Variants in SMYD2 observed in about 807,000 individuals in gnomAD.
SMYD2 encodes N-lysine methyltransferase SMYD2.
SMYD2 carries 53 observed loss-of-function variants against 59.1 expected under a neutral mutation model. The ratio of observed to expected loss-of-function variants is 0.90; its 90% confidence interval spans 0.72 to 1.13. The LOEUF (loss-of-function observed/expected upper bound fraction) is 1.13. SMYD2 is among the 50% of genes most tolerant of loss of function. The pLI is 0.00. For synonymous variants in SMYD2, 208 were observed against 198.8 expected, an observed-to-expected ratio of 1.05 and a Z score of -0.39; for missense variants, 494 against 544.7, an observed-to-expected ratio of 0.91 and a Z score of 0.93.
Position 214,324,997 on chromosome 1 carries a change from A to G in SMYD2, c.602+289A>G, listed in dbSNP as rs13376603. ...GGAACAGCTCATGCCCTGCTGAGAAATTTGCTTTCTGCCTATCTGTGGTTC... is the reference window on the plus strand; with the variant it reads ...GGAACAGCTCATGCCCTGCTGAGAAGTTTGCTTTCTGCCTATCTGTGGTTC... On this transcript the variant is annotated intron_variant, in intron 6 of 11. Coordinates refer to ENST00000366957, the MANE Select transcript of SMYD2 (RefSeq NM_020197.3). Among the ~76,000 whole-genome samples the G allele has an allele frequency of 2.5e-3, 387 of 152,338 alleles. 2 individuals carry two copies. The highest frequency in any genetic ancestry group is 9.0e-3 in the African/African-American group (374 of 41,568).
chr1:214,336,167 A>ATTT (rs68101274), intron 11 of SMYD2, among the ~76,000 whole-genome samples: 3 of 151,764 alleles, frequency 2.0e-5, no homozygotes, highest in Non-Finnish European at 4.4e-5. Flanking sequence ...CCAGCTGGAT[A>ATTT]TTTTTGCAGA....
At chr1:214,336,145 G>A (rs922594218) in intron 11 of SMYD2, among the ~76,000 whole-genome samples, 1 of 122,830 alleles carries the variant, frequency 8.1e-6, no homozygotes, top group Non-Finnish European at 1.7e-5. Flanking sequence ...TCAGTTTCAT[G>A]ACATCGTTTC....
chr1:214,310,455 G>A (rs769736785), intron 2 of SMYD2, among the ~76,000 whole-genome samples: 3 of 150,718 alleles, frequency 2.0e-5, no homozygotes, highest in Non-Finnish European at 4.4e-5. Context: ...GAATACTTTG[G>A]TATATATCTT....
At chr1:214,336,299 A>G (rs1056247688) in intron 11 of SMYD2, among the ~76,000 whole-genome samples, 10 of 152,130 alleles carry the variant, frequency 6.6e-5, no homozygotes, top group South Asian at 2.1e-4. Context: ...TTGAGAGGCC[A>G]AGGCGGGCGG....
Position 214,327,770 on chromosome 1 carries a change from C to T in SMYD2, c.705+46C>T, listed in dbSNP as rs755113399. ...GGCTGCAGCAGGGGGCTTGAGACTG[C>T]TCTTTAAAAGGCAATGTGGACAGAT... is the stretch of plus-strand genomic sequence containing the variant. On this transcript the variant is annotated intron_variant, in intron 7 of 11. Transcript: ENST00000366957. 5 of 1,517,374 alleles carry T rather than the reference C, an allele frequency of 3.3e-6. No individual in the cohort carries two copies. In the East Asian group the frequency reaches 1.1e-4, roughly 34 times the overall value. The allele number at this position is 1,517,374 out of a possible 1,614,324, so 94.0% of individuals were successfully genotyped here. A position where few individuals can be genotyped will look rare whatever the true frequency, so the allele number is the denominator to read the frequency against.
At chr1:214,305,508 G>GC (rs1417198797) in intron 2 of SMYD2, among the ~76,000 whole-genome samples, 2 of 152,230 alleles carry the variant, frequency 1.3e-5, no homozygotes, top group Non-Finnish European at 2.9e-5. Flanking sequence ...TAGCAAGTCT[G>GC]CCCCAAGGAC....
chr1:214,336,189 A>G (rs1657432966), intron 11 of SMYD2, among the ~76,000 whole-genome samples: 1 of 152,054 alleles, frequency 6.6e-6, no homozygotes, highest in East Asian at 1.9e-4. Context: ...TGTTTTACCT[A>G]GCAGTAGACA....
chr1:214,332,686 A>C lies in SMYD2; in HGVS notation c.1112+494A>C, dbSNP rs78858088. On this transcript the variant is annotated intron_variant, in intron 10 of 11. Coordinates refer to ENST00000366957, the MANE Select transcript of SMYD2 (RefSeq NM_020197.3). Reference sequence around the variant, plus strand: ...TCTCCCCACCCCAGGTTTGGAAAAAAGAAACAAAAATTGCTTTTTAATTTG... The same window carrying C: ...TCTCCCCACCCCAGGTTTGGAAAAACGAAACAAAAATTGCTTTTTAATTTG... The C allele has an allele frequency of 4.8e-3, 734 of 153,268 alleles. 18 individuals are homozygous for C. In the East Asian group the frequency reaches 0.08, roughly 17 times the overall value. 9.5% of individuals were successfully genotyped at this position (153,268 alleles called of 1,614,324 possible). A position where few individuals can be genotyped will look rare whatever the true frequency, so the allele number is the denominator to read the frequency against.
chr1:214,315,099 C>G (rs1435541067), intron 3 of SMYD2, among the ~76,000 whole-genome samples: 41 of 152,140 alleles, frequency 2.7e-4, no homozygotes, highest in Admixed American at 2.7e-3. Flanking sequence ...GGAGCATAGC[C>G]ACAGCTCTGA....
chr1:214,300,713 A>G (rs1283556597), intron 1 of SMYD2, among the ~76,000 whole-genome samples: 2 of 152,224 alleles, frequency 1.3e-5, no homozygotes, highest in South Asian at 2.1e-4. Context: ...CGTGATGGAA[A>G]CAAAATGTGT....
At chr1:214,295,691 G>T (rs766193717) in intron 1 of SMYD2, among the ~76,000 whole-genome samples, 3 of 152,226 alleles carry the variant, frequency 2.0e-5, no homozygotes, top group Non-Finnish European at 4.4e-5. Flanking sequence ...GAAGCCCCCC[G>T]CTGCACGTGG....
rs76766348 is a variant in SMYD2, at chr1:214,318,534, G to T, written c.410-325G>T. Among the ~76,000 whole-genome samples, 1,455 of 152,222 alleles carry T rather than the reference G, an allele frequency of 9.6e-3. 28 individuals carry two copies. Among genetic ancestry groups the T allele is most frequent in the African/African-American group, 0.033 (1,367 of 41,526 alleles). On this transcript the variant is annotated intron_variant, in intron 4 of 11. Coordinates refer to ENST00000366957, the MANE Select transcript of SMYD2 (RefSeq NM_020197.3). The surrounding 1 kb of genome is among the most constrained non-coding windows in gnomAD (Gnocchi z 5.4). ...ACGGCCCAGATTCCCGGGCCAATTG[G>T]GGGGCCCTTGACTAGGCTGAGGCTG...
chr1:214,294,439 G>A (rs766245257), intron 1 of SMYD2, among the ~76,000 whole-genome samples: 11 of 152,194 alleles, frequency 7.2e-5, no homozygotes, highest in African/African-American at 1.9e-4. Context: ...AGGCCAAGAC[G>A]GGCGGATGGC....
intron 3 of SMYD2, among the ~76,000 whole-genome samples, chr1:214,316,466 C>A (rs1657086980): frequency 6.7e-6 from 1 of 150,300 alleles, no homozygotes; most frequent in South Asian, 2.1e-4. Flanking sequence ...GCCTGAGCAA[C>A]AAAGTAAATG....
At chr1:214,304,156 A>G (rs2102462586) in intron 1 of SMYD2, among the ~76,000 whole-genome samples, 1 of 152,344 alleles carries the variant, frequency 6.6e-6, no homozygotes. Context: ...TAATATAACA[A>G]TGAATAAGTT....
chr1:214,336,573 A>G, intron 11 of SMYD2, 131 bp from the exon 12 acceptor site: 1 of 633,006 alleles, frequency 1.6e-6, no homozygotes, highest in Non-Finnish European at 2.7e-6. Flanking sequence ...GTCCTGGTGG[A>G]GAACATAGGC....
chr1:214,298,442 G>T (rs1376809282), intron 1 of SMYD2, among the ~76,000 whole-genome samples: 1 of 152,102 alleles, frequency 6.6e-6, no homozygotes, highest in African/African-American at 2.4e-5. Context: ...ACCTCAAACT[G>T]TAAAAATCCT....
chr1:214,296,358 C>T (rs1019999770), intron 1 of SMYD2, among the ~76,000 whole-genome samples: 1 of 152,162 alleles, frequency 6.6e-6, no homozygotes, highest in African/African-American at 2.4e-5. Flanking sequence ...CAAATACTTG[C>T]ATTTTCCTGT....
intron 1 of SMYD2, among the ~76,000 whole-genome samples, chr1:214,292,191 CG>C (rs1042320331): frequency 1.6e-4 from 25 of 151,800 alleles, no homozygotes; most frequent in Admixed American, 1.6e-3. Flanking sequence ...ATGGTAGAGT[CG>C]GGGCTTCCTG....
Sources: allele counts gnomAD v4.1 joint callset (sites outside exome capture counted in the v4.1 genomes callset), GRCh38; gene constraint gnomAD v4.1.1; non-coding constraint Gnocchi (gnomAD v3.1); transcripts MANE v1.5; gene names NCBI Gene and HGNC (gene_info 2026-07-23, HGNC 2026-07-21).